CAMKMT: variants seen among roughly 807,000 people sequenced by gnomAD.
CAMKMT encodes calmodulin-lysine N-methyltransferase.
Under a neutral mutation model 48.0 loss-of-function variants are expected in CAMKMT, and 53 were observed. The observed-to-expected ratio is 1.10, with a 90% confidence interval of 0.89 to 1.39. CAMKMT has a LOEUF of 1.39. Among genes scored for constraint, CAMKMT ranks in the 40% most tolerant of loss-of-function variants. The pLI, the probability that CAMKMT is intolerant of heterozygous loss-of-function variation, is 0.00. For missense variants in CAMKMT, 428 were observed against 402.7 expected, an observed-to-expected ratio of 1.06 and a Z score of -0.54; for synonymous variants, 165 against 152.3, an observed-to-expected ratio of 1.08 and a Z score of -0.61.
rs556266899 is a variant in CAMKMT, at chr2:44,667,591, A to G, written c.377-36692A>G. Among the ~76,000 whole-genome samples, 7 of 152,262 alleles carry G rather than the reference A, an allele frequency of 4.6e-5. No homozygotes were observed. The South Asian group carries it at 1.5e-3, about 32-fold the overall frequency. ...TCTTCAACATCCACATAGATAGATC[A>G]TCTATCTGTAGTTTGTTATTCCTCC... On this transcript the variant is annotated intron_variant, in intron 3 of 10. Coordinates refer to ENST00000378494, the MANE Select transcript of CAMKMT (RefSeq NM_024766.5).
intron 3 of CAMKMT, among the ~76,000 whole-genome samples, chr2:44,670,326 C>G (rs1675255228): frequency 6.6e-6 from 1 of 152,090 alleles, no homozygotes; most frequent in Non-Finnish European, 1.5e-5. Context: ...CACCTATAAT[C>G]TCAATACTTT....
chr2:44,460,652 C>T (rs1294347255), intron 3 of CAMKMT, among the ~76,000 whole-genome samples: 1 of 148,944 alleles, frequency 6.7e-6, no homozygotes, highest in Admixed American at 6.7e-5. Flanking sequence ...ACTTTTTTTT[C>T]TTTACAGGGG....
intron 7 of CAMKMT, among the ~76,000 whole-genome samples, chr2:44,743,045 T>C (rs1253656138): frequency 6.6e-6 from 1 of 152,240 alleles, no homozygotes; most frequent in Non-Finnish European, 1.5e-5. Flanking sequence ...ATTATTGTTA[T>C]TAATGTGAAG....
At chr2:44,616,611 C>T (rs370164747) in intron 3 of CAMKMT, among the ~76,000 whole-genome samples, 1 of 152,092 alleles carries the variant, frequency 6.6e-6, no homozygotes, top group East Asian at 1.9e-4. Context: ...TCAGCTCAAC[C>T]TCATTATAAC....
chr2:44,681,732 T>G (rs1676030702), intron 3 of CAMKMT, among the ~76,000 whole-genome samples: 1 of 152,218 alleles, frequency 6.6e-6, no homozygotes, highest in East Asian at 1.9e-4. Context: ...CCCTAAATGT[T>G]GGCCCTTTGT....
intron 3 of CAMKMT, among the ~76,000 whole-genome samples, chr2:44,391,234 G>C (rs1044862161): frequency 2.0e-5 from 3 of 152,134 alleles, no homozygotes; most frequent in Non-Finnish European, 2.9e-5. Flanking sequence ...TCCACATTAT[G>C]ATAAGCTTTT....
intron 3 of CAMKMT, among the ~76,000 whole-genome samples, chr2:44,464,040 C>G (rs1453790517): frequency 7.3e-6 from 1 of 137,198 alleles, no homozygotes; most frequent in African/African-American, 2.6e-5. Context: ...TTATGATAAT[C>G]TTAAAGAAGC....
At chr2:44,673,522 G>GA (rs945472268) in intron 3 of CAMKMT, among the ~76,000 whole-genome samples, 3,057 of 76,316 alleles carry the variant, frequency 0.04, 123 homozygotes, top group African/African-American at 0.13. Flanking sequence ...AGGAAGGAAG[G>GA]AGGGAAGGAA....
At chr2:44,416,239 GA>G (rs1255230423) in intron 3 of CAMKMT, among the ~76,000 whole-genome samples, 1 of 152,062 alleles carries the variant, frequency 6.6e-6, no homozygotes, top group African/African-American at 2.4e-5. Context: ...ATAGATCATT[GA>G]AAAAATTTAA....
intron 2 of CAMKMT, among the ~76,000 whole-genome samples, chr2:44,379,861 T>C (rs1033458224): frequency 1.4e-4 from 21 of 152,084 alleles, no homozygotes; most frequent in African/African-American, 2.2e-4. Flanking sequence ...TATTTTTATA[T>C]ATTCTGGATA....
chr2:44,742,244 C>A (rs372748879), intron 7 of CAMKMT, among the ~76,000 whole-genome samples: 1 of 152,168 alleles, frequency 6.6e-6, no homozygotes, highest in Non-Finnish European at 1.5e-5. Flanking sequence ...CCGTAAACAA[C>A]GTAAGCATTG....
intron 3 of CAMKMT, among the ~76,000 whole-genome samples, chr2:44,580,473 A>C (rs1254931077): frequency 6.6e-6 from 1 of 152,176 alleles, no homozygotes; most frequent in Non-Finnish European, 1.5e-5. Context: ...CCCTGGTTCA[A>C]GTGGTCCTAG....
intron 3 of CAMKMT, among the ~76,000 whole-genome samples, chr2:44,502,445 C>G (rs1469860052): frequency 2.0e-5 from 3 of 152,086 alleles, no homozygotes; most frequent in Non-Finnish European, 2.9e-5. Context: ...TTTTAACTTT[C>G]TTTAAAAATG....
intron 3 of CAMKMT, among the ~76,000 whole-genome samples, chr2:44,513,977 C>A (rs184889415): frequency 6.6e-6 from 1 of 151,802 alleles, no homozygotes; most frequent in African/African-American, 2.4e-5. Context: ...TAGTGCATGC[C>A]TGTAGTTTCA....
chr2:44,502,529 G>A (rs1017783352), intron 3 of CAMKMT, among the ~76,000 whole-genome samples: 1 of 152,102 alleles, frequency 6.6e-6, no homozygotes, highest in Non-Finnish European at 1.5e-5. Flanking sequence ...CCATTAAATT[G>A]ATAATGCTTG....
At chr2:44,546,238 C>T (rs1472492027) in intron 3 of CAMKMT, among the ~76,000 whole-genome samples, 2 of 150,192 alleles carry the variant, frequency 1.3e-5, no homozygotes, top group African/African-American at 2.5e-5. Flanking sequence ...TGACCAATTT[C>T]ACATCTAAGT....
chr2:44,631,585 GC>G, intron 3 of CAMKMT: 1 of 553,846 alleles, frequency 1.8e-6, no homozygotes, highest in South Asian at 2.7e-5. Flanking sequence ...AGTAGCATGA[GC>G]CACTGCTCCC....
At chr2:44,697,174 T>C (rs1677000878) in intron 3 of CAMKMT, among the ~76,000 whole-genome samples, 1 of 152,126 alleles carries the variant, frequency 6.6e-6, no homozygotes, top group Non-Finnish European at 1.5e-5. Context: ...AGTTTCTGGA[T>C]TGAAATTACC....
rs545354583 is a variant in CAMKMT at position 44,739,738 on chromosome 2, T to G, written c.624-3884T>G. 2.0e-4 allele frequency among the ~76,000 whole-genome samples: 31 copies of G among 152,114 alleles called. No individual in the cohort carries two copies. In the South Asian group the frequency reaches 6.2e-3, roughly 31 times the overall value. ...CTGGCTGGAGTGAATTTTAAGAGAA[T>G]GAGAGGAGAGGAATTGGCAACAGAG... On this transcript the variant is annotated intron_variant, in intron 7 of 10. Coordinates refer to ENST00000378494, the MANE Select transcript of CAMKMT (RefSeq NM_024766.5).
Sources: allele counts gnomAD v4.1 joint callset (sites outside exome capture counted in the v4.1 genomes callset), GRCh38; gene constraint gnomAD v4.1.1; transcripts MANE v1.5; gene names NCBI Gene and HGNC (gene_info 2026-07-23, HGNC 2026-07-21).